Variants in TBRG4 observed in about 807,000 individuals in gnomAD.
The protein encoded by TBRG4 is FAST kinase domain-containing protein 4.
Under a neutral mutation model 65.6 loss-of-function variants are expected in TBRG4, and 43 were observed. That is an observed-to-expected ratio of 0.66 (90% CI 0.51 to 0.85). TBRG4 has a LOEUF of 0.85. TBRG4 is among the 40% of genes least tolerant of loss of function. TBRG4 has a pLI of 0.00. For missense variants in TBRG4, 709 were observed against 787.9 expected (o/e 0.90, Z 1.20); for synonymous variants, 366 against 341.4 (o/e 1.07, Z -0.79).
chr7:45,109,403 G>C (rs767761433), intron 1 of TBRG4, 116 bp from the exon 2 acceptor site: 42 of 885,990 alleles, frequency 4.7e-5, no homozygotes, highest in Non-Finnish European at 5.9e-5. Flanking sequence ...AGTCTTTCTT[G>C]ACAATCCATA....
At chr7:45,109,368 C>T (rs1785059380) in intron 1 of TBRG4, 81 bp from the exon 2 acceptor site, 8 of 1,148,632 alleles carry the variant, frequency 7.0e-6, no homozygotes, top group Non-Finnish European at 9.4e-6. Context: ...ATAGTCAAAG[C>T]CACTCTATCT....
At chr7:45,108,005 T>C (rs1785013405) in intron 2 of TBRG4, among the ~76,000 whole-genome samples, 1 of 152,252 alleles carries the variant, frequency 6.6e-6, no homozygotes, top group South Asian at 2.1e-4. Flanking sequence ...TGAATTCTGG[T>C]ATTTTTTATA....
intron 5 of TBRG4, 159 bp downstream of exon 5, chr7:45,103,940 A>T (rs1399829117): frequency 1.0e-6 from 1 of 1,000,458 alleles, no homozygotes. Context: ...TGAGAACTGA[A>T]TAGCAGCCCT....
At chr7:45,105,396 C>T in intron 3 of TBRG4, 45 bp downstream of exon 3, 16 of 1,554,708 alleles carry the variant, frequency 1.0e-5, no homozygotes, top group Non-Finnish European at 1.4e-5. Flanking sequence ...AAGCCCAAAG[C>T]CCAGGGGAGG....
rs940098827 is a variant in TBRG4, at chr7:45,103,319, C to A, written c.1176+14G>T. The A allele has an allele frequency of 3.1e-6, 5 of 1,602,522 alleles. 1 individual carries two copies. In the African/African-American group the frequency reaches 6.7e-5, roughly 22 times the overall value. On this transcript the variant is annotated intron_variant, in intron 6 of 10. Coordinates refer to ENST00000258770, the MANE Select transcript of TBRG4 (RefSeq NM_004749.4). ...GAGGATAAAGGTCGAGCAGTGGGAG[C>A]CCAGAGGCCCTACCAGGCTGAAGAA... is the stretch of plus-strand genomic sequence containing the variant.
intron 8 of TBRG4, 31 bp downstream of exon 8, chr7:45,101,794 A>C: frequency 6.2e-7 from 1 of 1,601,274 alleles, no homozygotes; most frequent in Non-Finnish European, 8.5e-7. Flanking sequence ...AGGCAATGCC[A>C]GGCCCTGTGC....
chr7:45,104,888 G>T, intron 3 of TBRG4, 179 bp from the exon 4 acceptor site: 1 of 1,040,420 alleles, frequency 9.6e-7, no homozygotes, highest in Non-Finnish European at 1.5e-6. Context: ...CCACCCCAGG[G>T]AACCCCTGGA....
chr7:45,109,687 AC>A (rs1785071549), intron 1 of TBRG4, among the ~76,000 whole-genome samples: 1 of 152,170 alleles, frequency 6.6e-6, no homozygotes, highest in African/African-American at 2.4e-5. Context: ...ATTAAAAATT[AC>A]GGGCTTGGCC....
Position 45,104,711 on chromosome 7 carries a change from T to C in TBRG4, c.736-2A>G. On this transcript the variant is annotated splice_acceptor_variant, in intron 3 of 10. Transcript: ENST00000258770. LOFTEE classifies it high-confidence loss of function. ...AAAGTGCTCCACCAACTCCAGGCAC[T>C]GTCAACCACAGCCGCGCAGAGGTCA... 1 of 1,613,420 alleles carries C rather than the reference T, an allele frequency of 6.2e-7. No homozygotes were observed.
chr7:45,107,580 G>GACT, intron 2 of TBRG4: 1 of 153,252 alleles, frequency 6.5e-6, no homozygotes, highest in Middle Eastern at 1.2e-3. Flanking sequence ...AGTGAGCTGC[G>GACT]AACAGAGAAG....
chr7:45,107,519 G>C (rs1784996952), intron 2 of TBRG4: 1 of 152,222 alleles, frequency 6.6e-6, no homozygotes, highest in South Asian at 2.1e-4. Context: ...TGAACCCTCA[G>C]GTTCAGTCTC....
chr7:45,106,816 T>C (rs936015585), intron 2 of TBRG4: 1 of 152,260 alleles, frequency 6.6e-6, no homozygotes, highest in African/African-American at 2.4e-5. Flanking sequence ...TCCAGGAAAA[T>C]AATTTGTTTT....
chr7:45,103,546 C>T, intron 5 of TBRG4, 103 bp from the exon 6 acceptor site: 1 of 878,086 alleles, frequency 1.1e-6, no homozygotes. Flanking sequence ...TGGCCAGGGG[C>T]AATGGCAGGA....
chr7:45,108,691 T>C, intron 2 of TBRG4, 136 bp downstream of exon 2: 1 of 722,004 alleles, frequency 1.4e-6, no homozygotes, highest in Non-Finnish European at 2.1e-6. Context: ...CACTTTGAAA[T>C]TTATAAAAAA....
intron 3 of TBRG4, 191 bp downstream of exon 3, chr7:45,105,250 G>A (rs1784904758): frequency 1.5e-6 from 1 of 651,466 alleles, no homozygotes; most frequent in Non-Finnish European, 2.6e-6. Flanking sequence ...TGCAGCCACA[G>A]GGCAACCACC....
intron 7 of TBRG4, 100 bp from the exon 8 acceptor site, chr7:45,102,170 G>A: frequency 6.5e-7 from 1 of 1,529,138 alleles, no homozygotes; most frequent in South Asian, 1.3e-5. Flanking sequence ...TCCCAGCCCA[G>A]TTTTCTGGGT....
rs753671332 is a variant in TBRG4 at position 45,105,543 on chromosome 7, C to T, written c.633G>A (p.Leu211=). 4.3e-6 allele frequency: 7 copies of T among 1,614,174 alleles called. No individual in the cohort carries two copies. The Admixed American group carries it at 1.0e-4, about 23-fold the overall frequency. ...QELLAELLTH[L]ERRWTEIEDS... is the part of the protein sequence containing the mutation. ...CTTCAATTTCTGTCCAACGCCTTTCCAGGTGTGTGAGCAGCTCAGCCAGCA... is the reference window on the plus strand; with the variant it reads ...CTTCAATTTCTGTCCAACGCCTTTCTAGGTGTGTGAGCAGCTCAGCCAGCA... Residue 211 remains leucine (L), a synonymous_variant, in exon 3 of 11, where the codon CTG becomes CTA. Transcript: ENST00000258770.
At chr7:45,103,497 T>C (rs1262269098) in intron 5 of TBRG4, 54 bp from the exon 6 acceptor site, 4 of 1,384,856 alleles carry the variant, frequency 2.9e-6, no homozygotes, top group Admixed American at 4.1e-5. Flanking sequence ...CCCAGCACGC[T>C]GTCCTCCTGC....
chr7:45,105,958 C>A (rs767699901), intron 2 of TBRG4, 194 bp from the exon 3 acceptor site: 2 of 818,770 alleles, frequency 2.4e-6, no homozygotes, highest in Non-Finnish European at 4.3e-6. Flanking sequence ...AGCCTCGAGG[C>A]CTAGACGCTT....
Sources: gnomAD v4.1 joint callset for allele counts (sites outside exome capture counted in the v4.1 genomes callset) on GRCh38, gnomAD v4.1.1 for gene constraint, MANE v1.5 for transcripts, NCBI Gene and HGNC (gene_info 2026-07-23, HGNC 2026-07-21) for gene names.